DMXL1: variants seen among roughly 807,000 people sequenced by gnomAD.
DMXL1 encodes Dmx like 1.
DMXL1 carries 99 observed loss-of-function variants against 319.2 expected under a neutral mutation model. The observed-to-expected ratio is 0.31, with a 90% CI of 0.26 to 0.37. DMXL1 has a LOEUF of 0.37. DMXL1 is among the 10% of genes least tolerant of loss of function. The probability of loss-of-function intolerance (pLI) is 1.00; values close to 1 mark genes in which losing one functional copy is unlikely to be tolerated. For synonymous variants in DMXL1, 1,385 were observed against 1,235.2 expected (o/e 1.12, Z -2.54); for missense variants, 3,745 against 3,595.6 (o/e 1.04, Z -1.06).
chr5:119,150,280 C>T lies in DMXL1; in HGVS notation c.4453C>T (p.His1485Tyr), dbSNP rs1296175553. Residue 1485 changes from histidine to tyrosine, a missense_variant, in exon 18 of 44, where the codon CAT (histidine) becomes TAT (tyrosine). His to Tyr is a moderately conservative substitution (Grantham distance 83). Coordinates refer to ENST00000539542, the MANE Select transcript of DMXL1 (RefSeq NM_001290321.3). ...CAGTCCGACTTACTTTGGACCTGAG[C>T]ATGCTCAGGTTCTTTCTGGCCACTT... ...QYSPTYFGPE[H>Y]AQVLSGHLLH... is the part of the protein sequence containing the mutation. The T allele has an allele frequency of 1.2e-6, 2 of 1,613,660 alleles. No homozygotes were observed. Among genetic ancestry groups the T allele is most frequent in the Non-Finnish European group, 1.7e-6 (2 of 1,179,832 alleles).
At position 119,239,049 on chromosome 5, in the gene DMXL1, A is replaced by C. The variant is rs1472459436; in HGVS notation, c.8620A>C (p.Ile2874Leu). The C allele has an allele frequency of 6.2e-7, 1 of 1,613,880 alleles. No individual in the cohort carries two copies. The highest frequency in any genetic ancestry group is 8.5e-7 in the Non-Finnish European group (1 of 1,179,918). ...DFVFVSSSSL[I>L]ATAGLSTDNR... ...TGTCTTCGTTAGTTCCTCCTCTCTG[A>C]TAGCTACAGCTGGTCTTTCAACTGA... Residue 2874 changes from isoleucine to leucine, a missense_variant, in exon 41 of 44, where the codon ATA becomes CTA. By Grantham distance (5) the Ile-to-Leu change is conservative. Transcript: ENST00000539542.
chr5:119,173,798 A>ATATATATATATAT (rs1307519155), intron 25 of DMXL1, among the ~76,000 whole-genome samples: 12 of 126,660 alleles, frequency 9.5e-5, no homozygotes, highest in South Asian at 5.3e-4. Context: ...ATATATATAT[A>ATATATATATATAT]ATGAGAGAGA....
intron 13 of DMXL1, among the ~76,000 whole-genome samples, chr5:119,136,825 A>T (rs943133904): frequency 1.3e-5 from 2 of 152,216 alleles, no homozygotes; most frequent in Non-Finnish European, 2.9e-5. Flanking sequence ...GGATGTATGG[A>T]AACACCTGGA....
At chr5:119,173,263 C>T (rs996544510) in intron 25 of DMXL1, among the ~76,000 whole-genome samples, 4 of 151,578 alleles carry the variant, frequency 2.6e-5, no homozygotes, top group Non-Finnish European at 4.4e-5. Context: ...TCACTTGAAC[C>T]CAGGAGGCAG....
At chr5:119,119,600 A>G (rs1054260424) in intron 8 of DMXL1, among the ~76,000 whole-genome samples, 1 of 148,590 alleles carries the variant, frequency 6.7e-6, no homozygotes, top group Non-Finnish European at 1.5e-5. Flanking sequence ...CAGTGGCATG[A>G]TCTTGGCTCA....
intron 23 of DMXL1, among the ~76,000 whole-genome samples, chr5:119,169,902 A>G (rs1396017487): frequency 2.0e-5 from 3 of 152,198 alleles, no homozygotes; most frequent in Non-Finnish European, 4.4e-5. Flanking sequence ...GTAGGAGAAA[A>G]AGAACTAAGA....
At chr5:119,090,022 T>TTTTC (rs1162495675) in intron 1 of DMXL1, among the ~76,000 whole-genome samples, 45 of 90,222 alleles carry the variant, frequency 5.0e-4, no homozygotes, top group Non-Finnish European at 7.6e-4. Context: ...TTTTTTTTTT[T>TTTTC]TTTTTTTTTT....
intron 26 of DMXL1, among the ~76,000 whole-genome samples, chr5:119,176,082 T>G (rs1775746304): frequency 6.6e-6 from 1 of 152,096 alleles, no homozygotes; most frequent in East Asian, 1.9e-4. Flanking sequence ...AGCTTCATTT[T>G]CCAAACACGG....
chr5:119,196,554 A>G lies in DMXL1; in HGVS notation c.7543+98A>G, dbSNP rs73244805. 0.021 allele frequency: 16,511 copies of G among 795,664 alleles called. 2,007 individuals are homozygous for G. The African/African-American group carries it at 0.26, about 13-fold the overall frequency. 49.3% of individuals were successfully genotyped at this position (795,664 alleles called of 1,614,324 possible). A position where few individuals can be genotyped will look rare whatever the true frequency, so the allele number is the denominator to read the frequency against. On this transcript the variant is annotated intron_variant, in intron 31 of 43. Transcript: ENST00000539542. ...TTTTTTGGTCTGGACTGGGGGGAAA[A>G]TTTAGTGATTTCCTGTTACAGAAGT...
intron 25 of DMXL1, among the ~76,000 whole-genome samples, chr5:119,173,776 G>GTGTATGTATATATATATATATA: frequency 6.0e-5 from 4 of 67,170 alleles, no homozygotes; most frequent in African/African-American, 2.2e-4. Flanking sequence ...ATGTGTGTGT[G>GTGTATGTATATATATATATATA]TATATATATA....
chr5:119,215,685 C>A (rs1218242484), intron 34 of DMXL1, among the ~76,000 whole-genome samples: 1 of 152,012 alleles, frequency 6.6e-6, no homozygotes, highest in Admixed American at 6.6e-5. Context: ...TGGTCAATGG[C>A]CGGGCATTGG....
intron 32 of DMXL1, among the ~76,000 whole-genome samples, chr5:119,201,401 A>G (rs937521292): frequency 6.6e-6 from 1 of 152,200 alleles, no homozygotes; most frequent in Admixed American, 6.5e-5. Flanking sequence ...CCAAACTTGC[A>G]TCCTGGGAAT....
chr5:119,092,486 A>C (rs1755008463), intron 1 of DMXL1, among the ~76,000 whole-genome samples: 1 of 152,182 alleles, frequency 6.6e-6, no homozygotes. Flanking sequence ...TTTTTTAAAT[A>C]ACAGCTTTAT....
intron 32 of DMXL1, among the ~76,000 whole-genome samples, chr5:119,200,431 A>G (rs907473120): frequency 8.5e-5 from 13 of 152,144 alleles, no homozygotes; most frequent in African/African-American, 2.2e-4. Flanking sequence ...CCAGTGGTCA[A>G]TGTGCCTGTT....
chr5:119,193,478 C>G (rs1213227985), intron 29 of DMXL1, among the ~76,000 whole-genome samples: 1 of 152,102 alleles, frequency 6.6e-6, no homozygotes, highest in East Asian at 1.9e-4. Flanking sequence ...CATTTCTTTT[C>G]TTTGTAGCAC....
chr5:119,189,471 T>C (rs544694054), intron 28 of DMXL1, among the ~76,000 whole-genome samples: 1 of 152,266 alleles, frequency 6.6e-6, no homozygotes, highest in African/African-American at 2.4e-5. Context: ...TCACATACAA[T>C]AGGTAAGTCA....
At chr5:119,129,591 G>T (rs1361488889) in intron 10 of DMXL1, among the ~76,000 whole-genome samples, 168 bp downstream of exon 10, 2 of 152,184 alleles carry the variant, frequency 1.3e-5, no homozygotes, top group African/African-American at 4.8e-5. Context: ...GTTATAGGTA[G>T]CTTTCTTCCA....
chr5:119,197,121 G>T (rs965629441), intron 31 of DMXL1, among the ~76,000 whole-genome samples: 1 of 152,116 alleles, frequency 6.6e-6, no homozygotes, highest in Non-Finnish European at 1.5e-5. Context: ...TGAGTTCCAT[G>T]GCAAGTATTA....
Position 119,084,256 on chromosome 5 carries a change from A to C in DMXL1, c.87+12600A>C, listed in dbSNP as rs148577734. 5.2e-3 allele frequency among the ~76,000 whole-genome samples: 784 copies of C among 151,942 alleles called. 8 individuals carry two copies. The highest frequency in any genetic ancestry group is 0.019 in the African/African-American group (768 of 41,444). ...CTGCCTCAACCTCCAGGTAGCTGGGATTACAGGTGCACACCATCATGCCCG... is the reference window on the plus strand; with the variant it reads ...CTGCCTCAACCTCCAGGTAGCTGGGCTTACAGGTGCACACCATCATGCCCG... On this transcript the variant is annotated intron_variant, in intron 1 of 43. Transcript: ENST00000539542.
Sources: allele counts gnomAD v4.1 joint callset (sites outside exome capture counted in the v4.1 genomes callset), GRCh38; gene constraint gnomAD v4.1.1; transcripts MANE v1.5; gene names NCBI Gene and HGNC (gene_info 2026-07-23, HGNC 2026-07-21).